RPS6KC1: variants seen among roughly 807,000 people sequenced by gnomAD.
RPS6KC1 encodes the protein ribosomal protein S6 kinase C1.
RPS6KC1 carries 54 observed loss-of-function variants against 103.8 expected under a neutral mutation model. The observed-to-expected ratio is 0.52, with a 90% CI of 0.42 to 0.65. The LOEUF (loss-of-function observed/expected upper bound fraction) is 0.65, where lower values mean the gene tolerates loss of function less well. Among genes scored for constraint, RPS6KC1 ranks in the 30% least tolerant of loss-of-function variants. The pLI, the probability that RPS6KC1 is intolerant of heterozygous loss-of-function variation, is 0.00. For synonymous variants in RPS6KC1, 439 were observed against 438.7 expected (o/e 1.00, Z -0.01); for missense variants, 1,151 against 1,253.8 (o/e 0.92, Z 1.24).
At chr1:213,802,097 C>A in the RPS6KC1 span, among the ~76,000 whole-genome samples, 1 of 152,180 alleles carries the variant, frequency 6.6e-6, no homozygotes, top group Admixed American at 6.5e-5. Context: ...CTGCCCATGA[C>A]AATGGTGTAA....
At chr1:213,118,607 G>A (rs536330583) in intron 5 of RPS6KC1, among the ~76,000 whole-genome samples, 1 of 152,110 alleles carries the variant, frequency 6.6e-6, no homozygotes, top group East Asian at 1.9e-4. Flanking sequence ...TTTGGTAAGA[G>A]CAACGTGTTC....
the RPS6KC1 span, among the ~76,000 whole-genome samples, chr1:213,847,404 G>GACC: frequency 6.6e-6 from 1 of 152,138 alleles, no homozygotes; most frequent in Admixed American, 6.5e-5. Context: ...GTTGGAGAGG[G>GACC]ACCAGATTTA....
chr1:213,131,140 T>C (rs61834110), intron 6 of RPS6KC1, among the ~76,000 whole-genome samples: 5,182 of 152,252 alleles, frequency 0.034, 121 homozygotes, highest in Middle Eastern at 0.054. Flanking sequence ...TCGGTGGGCC[T>C]GAGGATCAAA....
rs201382300 is a variant in RPS6KC1, at chr1:213,063,896, CT to C, written c.106-7100del. Among the ~76,000 whole-genome samples, 35 of 147,820 alleles carry C rather than the reference CT, an allele frequency of 2.4e-4. No homozygotes were observed. The East Asian group carries it at 3.2e-3, about 13-fold the overall frequency. On this transcript the variant is annotated intron_variant, in intron 1 of 14. Transcript: ENST00000366960. Reference sequence around the variant, plus strand: ...TGTGAAGCACTGCTGTAGGGTAATACTTTTTTTTTTGTATTTTTAGTAGAGT... The same window carrying C: ...TGTGAAGCACTGCTGTAGGGTAATACTTTTTTTTTGTATTTTTAGTAGAGT...
chr1:213,795,590 C>T, the RPS6KC1 span, among the ~76,000 whole-genome samples: 4 of 152,104 alleles, frequency 2.6e-5, no homozygotes, highest in African/African-American at 4.8e-5. Context: ...GAATTTCTGG[C>T]TCCAACAAAA....
At chr1:213,380,233 C>G in the RPS6KC1 span, among the ~76,000 whole-genome samples, 1 of 152,150 alleles carries the variant, frequency 6.6e-6, no homozygotes, top group African/African-American at 2.4e-5. Flanking sequence ...AGCAGAAAAC[C>G]AAACGCTGTA....
intron 8 of RPS6KC1, among the ~76,000 whole-genome samples, chr1:213,179,236 G>A (rs1416110206): frequency 1.3e-5 from 2 of 151,988 alleles, no homozygotes; most frequent in African/African-American, 4.8e-5. Context: ...CCAATATGGG[G>A]AAACCCCATC....
chr1:213,157,471 T>C (rs911313993), intron 6 of RPS6KC1, among the ~76,000 whole-genome samples: 3 of 152,150 alleles, frequency 2.0e-5, no homozygotes, highest in Non-Finnish European at 4.4e-5. Context: ...CCTGCCAAAG[T>C]GCTGGGATTA....
intron 3 of RPS6KC1, among the ~76,000 whole-genome samples, chr1:213,088,954 A>G (rs1377560849): frequency 6.6e-6 from 1 of 152,242 alleles, no homozygotes; most frequent in Non-Finnish European, 1.5e-5. Context: ...CTCACATAGT[A>G]TAGCAACATC....
chr1:213,087,716 T>G (rs887967749), intron 3 of RPS6KC1, among the ~76,000 whole-genome samples: 7 of 152,210 alleles, frequency 4.6e-5, no homozygotes, highest in African/African-American at 1.7e-4. Context: ...TCAGCCAGTT[T>G]GGTGATCACC....
the RPS6KC1 span, among the ~76,000 whole-genome samples, chr1:213,460,405 CTTTT>C: frequency 4.5e-5 from 5 of 111,154 alleles, no homozygotes; most frequent in East Asian, 2.4e-4. Flanking sequence ...GCAACCCCTG[CTTTT>C]TTTTTTTTTT....
intron 6 of RPS6KC1, among the ~76,000 whole-genome samples, chr1:213,157,129 A>G (rs898143529): frequency 9.9e-5 from 15 of 151,918 alleles, no homozygotes; most frequent in Non-Finnish European, 2.1e-4. Flanking sequence ...AATAATTTCC[A>G]GTTATCTTTG....
chr1:213,501,089 G>A, the RPS6KC1 span, among the ~76,000 whole-genome samples: 1 of 100,636 alleles, frequency 9.9e-6, no homozygotes, highest in South Asian at 3.7e-4. Context: ...AATTTCCAAG[G>A]GATTATATTT....
chr1:213,788,271 T>C, the RPS6KC1 span, among the ~76,000 whole-genome samples: 3 of 152,110 alleles, frequency 2.0e-5, no homozygotes, highest in Admixed American at 6.5e-5. Flanking sequence ...GCAAAACACA[T>C]CTTCCCAAAA....
chr1:213,194,123 T>C (rs996495034), intron 8 of RPS6KC1, among the ~76,000 whole-genome samples: 3 of 152,218 alleles, frequency 2.0e-5, no homozygotes, highest in African/African-American at 7.2e-5. Flanking sequence ...CTGATGTAAA[T>C]ATAGCTACTT....
At chr1:213,787,072 G>A in the RPS6KC1 span, among the ~76,000 whole-genome samples, 1 of 152,168 alleles carries the variant, frequency 6.6e-6, no homozygotes, top group South Asian at 2.1e-4. Flanking sequence ...TTCTGTCCTG[G>A]ATCCACCACT....
intron 4 of RPS6KC1, among the ~76,000 whole-genome samples, chr1:213,111,647 CTGTG>C (rs888081903): frequency 2.0e-5 from 3 of 152,088 alleles, no homozygotes; most frequent in African/African-American, 4.8e-5. Flanking sequence ...TCTAAATACT[CTGTG>C]TGTATTTTTT....
chr1:213,469,395 G>A, the RPS6KC1 span, among the ~76,000 whole-genome samples: 2 of 152,092 alleles, frequency 1.3e-5, no homozygotes, highest in East Asian at 1.9e-4. Context: ...TTTAATTTTT[G>A]TCTCATATAT....
the RPS6KC1 span, among the ~76,000 whole-genome samples, chr1:213,404,069 G>A: frequency 3.9e-5 from 6 of 152,290 alleles, no homozygotes; most frequent in Non-Finnish European, 8.8e-5. Context: ...GATAGTCGCG[G>A]GGGCTGGGAT....
Sources: gnomAD v4.1 joint callset for allele counts (sites outside exome capture counted in the v4.1 genomes callset) on GRCh38, gnomAD v4.1.1 for gene constraint, MANE v1.5 for transcripts, NCBI Gene and HGNC (gene_info 2026-07-23, HGNC 2026-07-21) for gene names.